The following CSMD3 variants were observed in gnomAD, a reference collection of about 807,000 sequenced individuals.
The protein encoded by CSMD3 is CUB and sushi domain-containing protein 3.
Under a neutral mutation model 435.2 loss-of-function variants are expected in CSMD3, and 177 were observed. The observed-to-expected ratio is 0.41, with a 90% CI of 0.36 to 0.46. The LOEUF is 0.46. Ranked by LOEUF, CSMD3 falls within the 20% of genes least tolerant of loss-of-function variation. The pLI is 0.34. For missense variants in CSMD3, 4,265 were observed against 4,504.6 expected (o/e 0.95, Z 1.52); for synonymous variants, 1,656 against 1,520.5 (o/e 1.09, Z -2.07).
At chr8:113,158,577 T>A (rs1319636674) in intron 4 of CSMD3, among the ~76,000 whole-genome samples, 1 of 152,016 alleles carries the variant, frequency 6.6e-6, no homozygotes, top group Non-Finnish European at 1.5e-5. Flanking sequence ...TTTTCTTTCA[T>A]CCCTTCAAAA....
At chr8:112,461,302 T>C (rs762133856) in intron 32 of CSMD3, among the ~76,000 whole-genome samples, 2 of 152,142 alleles carry the variant, frequency 1.3e-5, no homozygotes, top group Non-Finnish European at 2.9e-5. Flanking sequence ...TGTCATGGTA[T>C]GAAATATTAC....
At chr8:113,056,544 A>G (rs1254025043) in intron 5 of CSMD3, among the ~76,000 whole-genome samples, 2 of 152,170 alleles carry the variant, frequency 1.3e-5, no homozygotes, top group African/African-American at 2.4e-5. Flanking sequence ...TCCTTCTTCT[A>G]TTCTTTAATA....
intron 12 of CSMD3, among the ~76,000 whole-genome samples, chr8:112,811,182 G>A (rs186808094): frequency 6.6e-6 from 1 of 151,734 alleles, no homozygotes; most frequent in African/African-American, 2.4e-5. Flanking sequence ...AGTAGAAACA[G>A]CAATACACAT....
rs769290304 is a variant in CSMD3, at chr8:112,685,620, C to G, written c.2268G>C (p.Gly756=). 3 of 1,613,608 alleles carry G rather than the reference C, an allele frequency of 1.9e-6. No homozygotes were observed. Among genetic ancestry groups the G allele is most frequent in the East Asian group, 2.2e-5 (1 of 44,854 alleles). Residue 756 remains glycine, a synonymous_variant, in exon 15 of 71, where the codon GGG becomes GGC. Coordinates refer to ENST00000297405, the MANE Select transcript of CSMD3 (RefSeq NM_198123.2). ...CATTGAAAGAAAGATGTATCCGGCT[C>G]CCTGGATCAGAGATTATCGTCCAGA... ...NCIWTIISDP[G]SRIHLSFNDF... is the part of the protein sequence containing the mutation.
chr8:112,573,414 G>C (rs2131300068), intron 24 of CSMD3, 87 bp downstream of exon 24: 1 of 1,085,734 alleles, frequency 9.2e-7, no homozygotes, highest in South Asian at 1.3e-5. Flanking sequence ...TCAAATATTG[G>C]ATATCATTTC....
intron 38 of CSMD3, 94 bp from the exon 39 acceptor site, chr8:112,352,628 T>C: frequency 9.3e-7 from 1 of 1,071,606 alleles, no homozygotes; most frequent in South Asian, 1.3e-5. Context: ...TATCAGTGTC[T>C]CATCAAACTA....
chr8:113,009,092 A>C (rs1390570768), intron 6 of CSMD3, among the ~76,000 whole-genome samples: 13 of 151,730 alleles, frequency 8.6e-5, no homozygotes, highest in Non-Finnish European at 1.9e-4. Flanking sequence ...GCTACAAGAA[A>C]AATTAAATAT....
chr8:112,643,320 T>C (rs2074887630), intron 20 of CSMD3, among the ~76,000 whole-genome samples: 1 of 152,152 alleles, frequency 6.6e-6, no homozygotes, highest in South Asian at 2.1e-4. Context: ...ATCATGTTTC[T>C]GAAACACCAT....
chr8:112,532,549 T>A (rs1825642092), intron 27 of CSMD3, among the ~76,000 whole-genome samples: 1 of 152,114 alleles, frequency 6.6e-6, no homozygotes, highest in African/African-American at 2.4e-5. Context: ...TGTCATGGAA[T>A]ATTCAAAGTG....
intron 3 of CSMD3, among the ~76,000 whole-genome samples, chr8:113,242,192 A>G (rs1171025393): frequency 2.0e-5 from 3 of 151,920 alleles, no homozygotes; most frequent in African/African-American, 4.8e-5. Flanking sequence ...ACTTGGATCT[A>G]AAGAAGTACA....
chr8:113,055,879 C>T (rs986173114), intron 5 of CSMD3, among the ~76,000 whole-genome samples: 4 of 152,086 alleles, frequency 2.6e-5, no homozygotes, highest in African/African-American at 9.7e-5. Flanking sequence ...GATGAACCTT[C>T]TCAAGTACCA....
intron 59 of CSMD3, among the ~76,000 whole-genome samples, chr8:112,265,876 C>A (rs981669074): frequency 6.6e-6 from 1 of 152,116 alleles, no homozygotes; most frequent in Non-Finnish European, 1.5e-5. Context: ...GCAGTAACCT[C>A]TTCTAACCTT....
chr8:112,922,322 G>T (rs2082769056), intron 9 of CSMD3, among the ~76,000 whole-genome samples: 1 of 151,916 alleles, frequency 6.6e-6, no homozygotes, highest in Non-Finnish European at 1.5e-5. Flanking sequence ...CAGGGAGAAT[G>T]AGGTATTTAT....
intron 6 of CSMD3, among the ~76,000 whole-genome samples, chr8:113,015,429 CA>C (rs1360392009): frequency 6.6e-6 from 1 of 151,338 alleles, no homozygotes; most frequent in East Asian, 1.9e-4. Flanking sequence ...GAATCACATA[CA>C]AAAAATTTTG....
In CSMD3 at chr8:112,263,566, T is replaced by C. The variant is rs147681309; in HGVS notation, c.9862+73A>G. ...ACCCTAATTAGGCATTGAAGGAAGC[T>C]TAACAATCTCATATTTGGTCTAGAA... On this transcript the variant is annotated intron_variant, in intron 61 of 70. Transcript: ENST00000297405. 57 of 1,258,966 alleles carry C rather than the reference T, an allele frequency of 4.5e-5. No individual in the cohort carries two copies. In the East Asian group the frequency reaches 1.3e-3, roughly 30 times the overall value. The allele number at this position is 1,258,966 out of a possible 1,614,324, so 78.0% of individuals were successfully genotyped here.
intron 4 of CSMD3, among the ~76,000 whole-genome samples, chr8:113,142,865 AAT>A (rs60270302): frequency 0.25 from 36,630 of 144,724 alleles, 5,701 homozygotes; most frequent in African/African-American, 0.45. Context: ...GAACTCCTTA[AAT>A]ATATATATAT....
intron 17 of CSMD3, among the ~76,000 whole-genome samples, chr8:112,665,260 T>C (rs1351749427): frequency 1.3e-5 from 2 of 152,156 alleles, no homozygotes; most frequent in Non-Finnish European, 2.9e-5. Context: ...CTCTTCATAT[T>C]TACTGATTCA....
At chr8:113,152,166 G>C (rs552971663) in intron 4 of CSMD3, among the ~76,000 whole-genome samples, 3 of 152,036 alleles carry the variant, frequency 2.0e-5, no homozygotes, top group African/African-American at 7.2e-5. Context: ...AGGTTTTGGG[G>C]ATACTAGATG....
At chr8:112,776,103 T>G (rs2078238922) in intron 13 of CSMD3, among the ~76,000 whole-genome samples, 1 of 151,826 alleles carries the variant, frequency 6.6e-6, no homozygotes, top group African/African-American at 2.4e-5. Context: ...ACAGCTTATC[T>G]TTTAGAAAAT....
Sources: gnomAD v4.1 joint callset for allele counts (sites outside exome capture counted in the v4.1 genomes callset) on GRCh38, gnomAD v4.1.1 for gene constraint, MANE v1.5 for transcripts, NCBI Gene and HGNC (gene_info 2026-07-23, HGNC 2026-07-21) for gene names.